The following P2RY13 variants were observed in gnomAD, a reference collection of about 807,000 sequenced individuals.
The protein encoded by P2RY13 is purinergic receptor P2Y13.
For missense variants in P2RY13, 412 were observed against 418.4 expected (o/e 0.98, Z 0.13); for synonymous variants, 150 against 155.1 (o/e 0.97, Z 0.24).
chr3:151,327,258 G>A lies in P2RY13; in HGVS notation c.*733C>T, dbSNP rs184346302. 6.2e-4 allele frequency: 94 copies of A among 152,310 alleles called. No individual in the cohort carries two copies. Among genetic ancestry groups the A allele is most frequent in the African/African-American group, 2.2e-3 (92 of 41,560 alleles). The allele number at this position is 152,310 out of a possible 1,614,324, so 9.4% of individuals were successfully genotyped here. On this transcript the variant is annotated 3_prime_UTR_variant, in exon 2 of 2. Transcript: ENST00000325602. ...GGTCCAGGAAGGCATTGCTGAGTAGGTGCCATGTTTAACCATCATTAGAGT... is the reference window on the plus strand; with the variant it reads ...GGTCCAGGAAGGCATTGCTGAGTAGATGCCATGTTTAACCATCATTAGAGT...
chr3:151,329,431 ATTC>A, intron 1 of P2RY13, 47 bp downstream of exon 1: 1 of 1,196,312 alleles, frequency 8.4e-7, no homozygotes, highest in Non-Finnish European at 1.2e-6. Context: ...CCTTAAGCAT[ATTC>A]TTTTATATAA....
chr3:151,328,884 C>T lies in P2RY13; in HGVS notation c.172G>A (p.Gly58Ser), dbSNP rs936533736. 12 of 1,613,824 alleles carry T rather than the reference C, an allele frequency of 7.4e-6. No individual in the cohort carries two copies. Among genetic ancestry groups the T allele is most frequent in the East Asian group, 2.2e-5 (1 of 44,880 alleles). The change falls in exon 2 of 2, where the codon GGC becomes AGC. Residue 58 changes from glycine (G) to serine (S), a missense_variant. Coordinates refer to ENST00000325602, the MANE Select transcript of P2RY13 (RefSeq NM_176894.3). ...AGAGCCAAAGTATTCAGCAGGATGC[C>T]GGTCAAGAAAACCACTGTGTAGAGG... The part of the protein sequence containing the change: ...PALYTVVFLT[G>S]ILLNTLALWV...
chr3:151,328,579 A>C lies in P2RY13; in HGVS notation c.477T>G (p.Phe159Leu). The C allele has an allele frequency of 6.2e-7, 1 of 1,613,820 alleles. No individual in the cohort carries two copies. The highest frequency in any genetic ancestry group is 8.5e-7 in the Non-Finnish European group (1 of 1,179,872). Residue 159 changes from phenylalanine (F) to leucine (L), a missense_variant, in exon 2 of 2, where the codon TTT becomes TTG. By Grantham distance (22) the Phe-to-Leu change is conservative. Coordinates refer to ENST00000325602, the MANE Select transcript of P2RY13 (RefSeq NM_176894.3). ...LRNIFLKKPVFAKTVSIFIWF... is the reference protein window; with the variant it reads ...LRNIFLKKPVLAKTVSIFIWF... The stretch of plus-strand genomic sequence containing the variant: ...AGATGAAGATTGAGACCGTTTTTGC[A>C]AAAACAGGTTTTTTTAGAAAAATAT...
chr3:151,328,433 A>G lies in P2RY13; in HGVS notation c.623T>C (p.Met208Thr), dbSNP rs1425121179. Residue 208 changes from methionine to threonine, a missense_variant, in exon 2 of 2, where the codon ATG (methionine) becomes ACG (threonine). Physicochemically the swap from Met to Thr is moderately conservative, Grantham distance 81. Coordinates refer to ENST00000325602, the MANE Select transcript of P2RY13 (RefSeq NM_176894.3). ...KGPLGLKWHQMVNNICQFIFW... is the reference protein window; with the variant it reads ...KGPLGLKWHQTVNNICQFIFW... ...AATAAACTGGCATATGTTATTTACC[A>G]TTTGATGCCATTTCAGCCCCAGAGG... is the stretch of plus-strand genomic sequence containing the variant. The G allele has an allele frequency of 1.2e-5, 20 of 1,613,590 alleles. No homozygotes were observed. The highest frequency in any genetic ancestry group is 1.5e-5 in the Non-Finnish European group (18 of 1,179,654).
In P2RY13 at chr3:151,328,681, C is replaced by T; in HGVS notation, c.375G>A (p.Glu125=). The T allele has an allele frequency of 6.2e-7, 1 of 1,613,790 alleles. No homozygotes were observed. The highest frequency in any genetic ancestry group is 8.5e-7 in the Non-Finnish European group (1 of 1,179,736). The part of the protein sequence containing the change: ...VCRFSSVIFY[E]TMYVGIVLLG... Reference sequence around the variant, plus strand: ...ACAGCACGATGCCCACATACATGGTCTCATAAAATATCACCGAAGAAAAAC... The same window carrying T: ...ACAGCACGATGCCCACATACATGGTTTCATAAAATATCACCGAAGAAAAAC... The change falls in exon 2 of 2, where the codon GAG becomes GAA. Residue 125 remains glutamate (E), a synonymous_variant. Transcript: ENST00000325602.
rs1421738088 is a variant in P2RY13, at chr3:151,328,364, A to G, written c.692T>C (p.Ile231Thr). Reference sequence around the variant, plus strand: ...ATAAGAATCATATACTTTTTTTGCAATAACCACATAAAACACAAGCATTAG... The same window carrying G: ...ATAAGAATCATATACTTTTTTTGCAGTAACCACATAAAACACAAGCATTAG... ...FILMLVFYVV[I>T]AKKVYDSYRK... The change falls in exon 2 of 2, where the codon ATT (isoleucine) becomes ACT (threonine). Residue 231 changes from isoleucine to threonine, a missense_variant. Coordinates refer to ENST00000325602, the MANE Select transcript of P2RY13 (RefSeq NM_176894.3). 1.9e-6 allele frequency: 3 copies of G among 1,612,358 alleles called. No individual in the cohort carries two copies. Among genetic ancestry groups the G allele is most frequent in the Non-Finnish European group, 2.5e-6 (3 of 1,179,484 alleles).
Position 151,328,362 on chromosome 3 carries a change from C to T in P2RY13, c.694G>A (p.Ala232Thr). The T allele has an allele frequency of 6.2e-7, 1 of 1,611,346 alleles. No homozygotes were observed. Among genetic ancestry groups the T allele is most frequent in the Non-Finnish European group, 8.5e-7 (1 of 1,179,136 alleles). ...ILMLVFYVVIAKKVYDSYRKS... is the reference protein window; with the variant it reads ...ILMLVFYVVITKKVYDSYRKS... ...CTATAAGAATCATATACTTTTTTTGCAATAACCACATAAAACACAAGCATT... is the reference window on the plus strand; with the variant it reads ...CTATAAGAATCATATACTTTTTTTGTAATAACCACATAAAACACAAGCATT... The change falls in exon 2 of 2, where the codon GCA (alanine) becomes ACA (threonine). Residue 232 changes from alanine (A) to threonine (T), a missense_variant. Transcript: ENST00000325602.
At position 151,328,185 on chromosome 3, in the gene P2RY13, G is replaced by C. The variant is rs1220622082; in HGVS notation, c.871C>G (p.Leu291Val). Residue 291 changes from leucine (L) to valine (V), a missense_variant, in exon 2 of 2, where the codon CTG (leucine) becomes GTG (valine). Transcript: ENST00000325602. ...SQTNNKTDCR[L>V]QNQLFIAKET... ...TTAGCAATAAACAGTTGATTTTGCA[G>C]TCTACAGTCAGTCTTATTGTTGGTT... The C allele has an allele frequency of 6.2e-7, 1 of 1,612,970 alleles. No individual in the cohort carries two copies. Among genetic ancestry groups the C allele is most frequent in the East Asian group, 2.2e-5 (1 of 44,862 alleles).
chr3:151,327,920 G>T lies in P2RY13; in HGVS notation c.*71C>A. On this transcript the variant is annotated 3_prime_UTR_variant, in exon 2 of 2. Coordinates refer to ENST00000325602, the MANE Select transcript of P2RY13 (RefSeq NM_176894.3). ...GCATTTGTTCCAATCTTTTTTTCTT[G>T]GTTAAATTTGATTTCCACATTATCT... The T allele has an allele frequency of 9.2e-7, 1 of 1,088,146 alleles. No individual in the cohort carries two copies. Among genetic ancestry groups the T allele is most frequent in the East Asian group, 2.5e-5 (1 of 40,408 alleles). 67.4% of individuals were successfully genotyped at this position (1,088,146 alleles called of 1,614,324 possible).
In P2RY13 at chr3:151,328,292, C is replaced by T. The variant is rs1749896862; in HGVS notation, c.764G>A (p.Gly255Asp). The T allele has an allele frequency of 6.2e-7, 1 of 1,613,770 alleles. No homozygotes were observed. The highest frequency in any genetic ancestry group is 1.3e-5 in the African/African-American group (1 of 74,898). ...GACAGCCACGACAACAAATACTTTGCCTTCCAGCTTTTTGTTGTTTTTTCT... is the reference window on the plus strand; with the variant it reads ...GACAGCCACGACAACAAATACTTTGTCTTCCAGCTTTTTGTTGTTTTTTCT... ...KDRKNNKKLEGKVFVVVAVFF... is the reference protein window; with the variant it reads ...KDRKNNKKLEDKVFVVVAVFF... The change falls in exon 2 of 2, where the codon GGC becomes GAC. Residue 255 changes from glycine to aspartate, a missense_variant. Physicochemically the swap from Gly to Asp is moderately conservative, Grantham distance 94 (BLOSUM62 -1). Coordinates refer to ENST00000325602, the MANE Select transcript of P2RY13 (RefSeq NM_176894.3).
In P2RY13 at chr3:151,328,834, G is replaced by A. The variant is rs1472248628; in HGVS notation, c.222C>T (p.Ser74=). The part of the protein sequence containing the change: ...LALWVFVHIP[S]SSTFIIYLKN... The stretch of plus-strand genomic sequence containing the variant: ...TGAGGTAGATGATGAAGGTGGAGGA[G>A]CTGGGGATGTGAACAAACACCCACA... Residue 74 remains serine, a synonymous_variant, in exon 2 of 2, where the codon AGC becomes AGT. Coordinates refer to ENST00000325602, the MANE Select transcript of P2RY13 (RefSeq NM_176894.3). 3.7e-6 allele frequency: 6 copies of A among 1,613,868 alleles called. No individual in the cohort carries two copies. In the South Asian group the frequency reaches 5.5e-5, roughly 15 times the overall value.
In P2RY13 at chr3:151,326,996, G is replaced by A. The variant is rs1318596711; in HGVS notation, c.*995C>T. ...CAGCAATTACGTCTTTGTATGTATC[G>A]AGAATAGCAATTCTATTTAAAACAT... On this transcript the variant is annotated 3_prime_UTR_variant, in exon 2 of 2. Transcript: ENST00000325602. 5 of 152,262 alleles carry A rather than the reference G, an allele frequency of 3.3e-5. No individual in the cohort carries two copies. The South Asian group carries it at 8.3e-4, about 25-fold the overall frequency. 9.4% of individuals were successfully genotyped at this position (152,262 alleles called of 1,614,324 possible). A position where few individuals can be genotyped will look rare whatever the true frequency, so the allele number is the denominator to read the frequency against.
rs749980757 is a variant in P2RY13, at chr3:151,328,997, T to A, written c.59A>T (p.Glu20Val). 1.3e-6 allele frequency: 2 copies of A among 1,592,526 alleles called. No homozygotes were observed. Among genetic ancestry groups the A allele is most frequent in the African/African-American group, 2.7e-5 (2 of 74,100 alleles). ...ELSILPKVTLEAMNTTVMQGF... is the reference protein window; with the variant it reads ...ELSILPKVTLVAMNTTVMQGF... ...TTGCATCACTGTGGTGTTCATTGCTTCCAGTGTCACCTGTTACCAATAAAC... is the reference window on the plus strand; with the variant it reads ...TTGCATCACTGTGGTGTTCATTGCTACCAGTGTCACCTGTTACCAATAAAC... The change falls in exon 2 of 2, where the codon GAA becomes GTA. Residue 20 changes from glutamate (E) to valine (V), a missense_variant. Transcript: ENST00000325602.
chr3:151,328,182 G>T lies in P2RY13; in HGVS notation c.874C>A (p.Gln292Lys). 6.2e-7 allele frequency: 1 copy of T among 1,612,754 alleles called. No homozygotes were observed. Residue 292 changes from glutamine (Q) to lysine (K), a missense_variant, in exon 2 of 2, where the codon CAA (glutamine) becomes AAA (lysine). Gln to Lys is a moderately conservative substitution (Grantham distance 53, BLOSUM62 1). Coordinates refer to ENST00000325602, the MANE Select transcript of P2RY13 (RefSeq NM_176894.3). ...TCTTTAGCAATAAACAGTTGATTTT[G>T]CAGTCTACAGTCAGTCTTATTGTTG... ...QTNNKTDCRL[Q>K]NQLFIAKETT... is the part of the protein sequence containing the mutation.
At chr3:151,329,367 C>A in intron 1 of P2RY13, 114 bp downstream of exon 1, 1 of 633,900 alleles carries the variant, frequency 1.6e-6, no homozygotes, top group South Asian at 2.1e-5. Flanking sequence ...TATGTAATTT[C>A]TTATGCTCAT....
chr3:151,326,947 A>G lies in P2RY13; in HGVS notation c.*1044T>C, dbSNP rs1291563086. On this transcript the variant is annotated 3_prime_UTR_variant, in exon 2 of 2. Coordinates refer to ENST00000325602, the MANE Select transcript of P2RY13 (RefSeq NM_176894.3). ...TCACCATCCTTTGAAAAATCTCTCAATATGGATGTTACTGATTGTGGGTCA... is the reference window on the plus strand; with the variant it reads ...TCACCATCCTTTGAAAAATCTCTCAGTATGGATGTTACTGATTGTGGGTCA... The G allele has an allele frequency of 6.6e-6, 1 of 152,218 alleles. No homozygotes were observed. The highest frequency in any genetic ancestry group is 6.5e-5 in the Admixed American group (1 of 15,276). 9.4% of individuals were successfully genotyped at this position (152,218 alleles called of 1,614,324 possible).
chr3:151,328,117 A>T lies in P2RY13; in HGVS notation c.939T>A (p.Asp313Glu), dbSNP rs769169595. The T allele has an allele frequency of 6.2e-7, 1 of 1,612,578 alleles. No individual in the cohort carries two copies. Among genetic ancestry groups the T allele is most frequent in the South Asian group, 1.1e-5 (1 of 90,706 alleles). Residue 313 changes from aspartate to glutamate, a missense_variant, in exon 2 of 2, where the codon GAT (aspartate) becomes GAA (glutamate). Transcript: ENST00000325602. ...LFLAATNICM[D>E]PLIYIFLCKK... ...TACATAAGAATATGTATATTAAGGG[A>T]TCCATACAAATGTTAGTTGCTGCCA...
rs1281449027 is a variant in P2RY13 at position 151,328,999 on chromosome 3, C to T, written c.57G>A (p.Leu19=). The T allele has an allele frequency of 6.3e-7, 1 of 1,587,482 alleles. No homozygotes were observed. Among genetic ancestry groups the T allele is most frequent in the Non-Finnish European group, 8.6e-7 (1 of 1,167,242 alleles). The part of the protein sequence containing the change: ...RELSILPKVT[L]EAMNTTVMQG... Reference sequence around the variant, plus strand: ...GCATCACTGTGGTGTTCATTGCTTCCAGTGTCACCTGTTACCAATAAACAT... The same window carrying T: ...GCATCACTGTGGTGTTCATTGCTTCTAGTGTCACCTGTTACCAATAAACAT... The change falls in exon 2 of 2, where the codon CTG becomes CTA. Residue 19 remains leucine, a synonymous_variant. Coordinates refer to ENST00000325602, the MANE Select transcript of P2RY13 (RefSeq NM_176894.3).
At chr3:151,329,339 C>T in intron 1 of P2RY13, 142 bp downstream of exon 1, 1 of 600,282 alleles carries the variant, frequency 1.7e-6, no homozygotes, top group South Asian at 2.3e-5. Flanking sequence ...ATTACTAATA[C>T]ATCAGATTGC....
Sources: allele counts gnomAD v4.1 joint callset, GRCh38; gene constraint gnomAD v4.1.1; transcripts MANE v1.5; gene names NCBI Gene and HGNC (gene_info 2026-07-23, HGNC 2026-07-21).